The following FBXL22 variants were observed in gnomAD, a reference collection of about 807,000 sequenced individuals.
FBXL22 encodes F-box and leucine-rich protein 22.
In FBXL22, 13 loss-of-function variants were observed where a neutral mutation model predicts 11.7. The observed-to-expected ratio is 1.11, with a 90% CI of 0.73 to 1.77. The LOEUF (loss-of-function observed/expected upper bound fraction) is 1.77. Ranked by LOEUF, FBXL22 falls within the 40% of genes most tolerant of loss-of-function variation. The probability of loss-of-function intolerance (pLI) is 0.00; values close to 1 mark genes in which losing one functional copy is unlikely to be tolerated. For synonymous variants in FBXL22, 160 were observed against 144.1 expected, an observed-to-expected ratio of 1.11 and a Z score of -0.79; for missense variants, 406 against 320.4, an observed-to-expected ratio of 1.27 and a Z score of -2.04.
At chr15:63,603,472 T>C (rs573910729), downstream of FBXL22, among the ~76,000 whole-genome samples, 1 of 152,302 alleles carries the variant, frequency 6.6e-6, no homozygotes, top group African/African-American at 2.4e-5. Flanking sequence ...CCTGCTTTGT[T>C]TGGTTATGGT....
intron 1 of FBXL22, chr15:63,600,324 C>T: frequency 9.7e-7 from 1 of 1,031,360 alleles, no homozygotes; most frequent in Non-Finnish European, 1.2e-6. Flanking sequence ...CCAAGCACCG[C>T]TCCCCTGCAA....
At chr15:63,601,334 C>A (rs745829470), downstream of FBXL22, 1 of 1,602,418 alleles carries the variant, frequency 6.2e-7, no homozygotes, top group South Asian at 1.1e-5. Flanking sequence ...CGGGAGGCGC[C>A]TGCACCGTCC....
downstream of FBXL22, among the ~76,000 whole-genome samples, chr15:63,606,916 T>C (rs946165287): frequency 2.0e-5 from 3 of 152,166 alleles, no homozygotes; most frequent in East Asian, 5.8e-4. Flanking sequence ...GGGTGAGGCA[T>C]TATTTTGAAT....
chr15:63,600,342 C>T, intron 1 of FBXL22: 1 of 1,058,544 alleles, frequency 9.4e-7, no homozygotes, highest in African/African-American at 1.7e-5. Context: ...CAAGGCAGCA[C>T]ATCCAGAGCG....
chr15:63,600,197 T>C (rs1428933330), intron 1 of FBXL22: 10 of 986,368 alleles, frequency 1.0e-5, no homozygotes, highest in Non-Finnish European at 1.2e-5. Context: ...CCCCACCGCC[T>C]TGAGGGTTGG....
Position 63,597,748 on chromosome 15 carries a change from A to G in FBXL22, c.353+3A>G, listed in dbSNP as rs2067296390. 3 of 1,567,246 alleles carry G rather than the reference A, an allele frequency of 1.9e-6. No individual in the cohort carries two copies. The highest frequency in any genetic ancestry group is 2.6e-6 in the Non-Finnish European group (3 of 1,153,558). ...TTCCTCCTCCGGGTGTGCGACAGGT[A>G]GGCCACCTTGCCTCCTGAGCAGTGC... On this transcript the variant is annotated splice_donor_region_variant and intron_variant, in intron 1 of 1. Coordinates refer to ENST00000638704, the MANE Select transcript of FBXL22 (RefSeq NM_001367807.1). This position sits in a 1 kb window ranked among gnomAD's most constrained non-coding sequence, Gnocchi z 4.3.
At chr15:63,606,976 A>G (rs1406062327), downstream of FBXL22, among the ~76,000 whole-genome samples, 1 of 151,918 alleles carries the variant, frequency 6.6e-6, no homozygotes, top group East Asian at 1.9e-4. Flanking sequence ...AGCCCAGCTC[A>G]GCAAGAGGGA....
intron 1 of FBXL22, chr15:63,599,377 C>T: frequency 1.4e-6 from 2 of 1,409,538 alleles, no homozygotes; most frequent in Admixed American, 3.1e-5. Context: ...ACACCTAATC[C>T]TTATAACCAC....
chr15:63,597,978 T>G lies in FBXL22; in HGVS notation c.353+233T>G, dbSNP rs369184505. Among the ~76,000 whole-genome samples, 23 of 152,316 alleles carry G rather than the reference T, an allele frequency of 1.5e-4. No homozygotes were observed. The East Asian group carries it at 4.4e-3, about 29-fold the overall frequency. On this transcript the variant is annotated intron_variant, in intron 1 of 1. Transcript: ENST00000638704. The surrounding 1 kb of genome is among the most constrained non-coding windows in gnomAD (Gnocchi z 4.3). ...GCCTCACAGGTCCTGGGCTGCTTCATGCAAACACCAAGAAGTGGGGCCTCC... is the reference window on the plus strand; with the variant it reads ...GCCTCACAGGTCCTGGGCTGCTTCAGGCAAACACCAAGAAGTGGGGCCTCC...
chr15:63,605,862 C>T (rs554556384), downstream of FBXL22, among the ~76,000 whole-genome samples: 20 of 152,354 alleles, frequency 1.3e-4, no homozygotes, highest in Non-Finnish European at 2.5e-4. Flanking sequence ...CCTGTCACCA[C>T]GTTGCACTGG....
the FBXL22 span, among the ~76,000 whole-genome samples, chr15:63,607,480 T>C: frequency 3.3e-5 from 5 of 152,234 alleles, no homozygotes; most frequent in Non-Finnish European, 5.9e-5. Flanking sequence ...CCAGAACTCC[T>C]GGGGTTCCCC....
downstream of FBXL22, chr15:63,601,420 C>T: frequency 6.3e-7 from 1 of 1,589,732 alleles, no homozygotes. Context: ...CGCCGACTTG[C>T]GCTCGGGGGT....
chr15:63,599,614 CAACAT>C, intron 1 of FBXL22: 5 of 999,454 alleles, frequency 5.0e-6, no homozygotes, highest in Non-Finnish European at 6.0e-6. Flanking sequence ...TGGCTGCACC[CAACAT>C]ATTTAAGTTC....
chr15:63,601,492 G>T (rs1297730723), downstream of FBXL22: 1 of 1,550,882 alleles, frequency 6.4e-7, no homozygotes, highest in African/African-American at 1.4e-5. Context: ...GCGACCCAGC[G>T]AGACCCCGCC....
intron 1 of FBXL22, among the ~76,000 whole-genome samples, chr15:63,598,391 C>T (rs2067307165): frequency 6.6e-6 from 1 of 152,150 alleles, no homozygotes; most frequent in African/African-American, 2.4e-5. Context: ...TTCAGATAAA[C>T]AGTGAATAAT....
At chr15:63,599,946 G>A (rs2067340216) in intron 1 of FBXL22, 2 of 985,476 alleles carry the variant, frequency 2.0e-6, no homozygotes, top group African/African-American at 1.7e-5. Context: ...CTGACACGGC[G>A]ATAAACCAAG....
intron 1 of FBXL22, among the ~76,000 whole-genome samples, chr15:63,598,783 C>T (rs1185819713): frequency 6.6e-6 from 1 of 152,220 alleles, no homozygotes; most frequent in Non-Finnish European, 1.5e-5. Flanking sequence ...AGAAGATGGA[C>T]TTGGGGTTGG....
chr15:63,597,459 T>C lies in FBXL22; in HGVS notation c.67T>C (p.Phe23Leu). 1 of 1,614,046 alleles carries C rather than the reference T, an allele frequency of 6.2e-7. No homozygotes were observed. Residue 23 changes from phenylalanine (F) to leucine (L), a missense_variant, in exon 1 of 2, where the codon TTC becomes CTC. Coordinates refer to ENST00000638704, the MANE Select transcript of FBXL22 (RefSeq NM_001367807.1). The surrounding 1 kb of genome is among the most constrained non-coding windows in gnomAD (Gnocchi z 4.3). ...GGAGTGCCTGCTGCACCTCTTCTCCTTCCTAGACAAGGACAGCAGGAAGAG... is the reference window on the plus strand; with the variant it reads ...GGAGTGCCTGCTGCACCTCTTCTCCCTCCTAGACAAGGACAGCAGGAAGAG... The part of the protein sequence containing the change: ...NRECLLHLFS[F>L]LDKDSRKSLA...
At chr15:63,603,185 C>A (rs1024109691), downstream of FBXL22, among the ~76,000 whole-genome samples, 1 of 152,176 alleles carries the variant, frequency 6.6e-6, no homozygotes, top group African/African-American at 2.4e-5. Context: ...TAATTAACAA[C>A]CTGACCATTG....
Sources: gnomAD v4.1 joint callset for allele counts (sites outside exome capture counted in the v4.1 genomes callset) on GRCh38, gnomAD v4.1.1 for gene constraint, Gnocchi (gnomAD v3.1) non-coding constraint, MANE v1.5 for transcripts, NCBI Gene and HGNC (gene_info 2026-07-23, HGNC 2026-07-21) for gene names.